TRPM3: variants seen among roughly 807,000 people sequenced by gnomAD.
The protein encoded by TRPM3 is long transient receptor potential channel 3.
TRPM3 carries 77 observed loss-of-function variants against 181.2 expected under a neutral mutation model. The ratio of observed to expected loss-of-function variants is 0.42; its 90% CI spans 0.35 to 0.51. The LOEUF is 0.51. TRPM3 is among the 20% of genes least tolerant of loss of function. TRPM3 has a pLI of 0.01. For synonymous variants in TRPM3, 745 were observed against 796.4 expected, an observed-to-expected ratio of 0.94 and a Z score of 1.09; for missense variants, 1,759 against 2,196.7, an observed-to-expected ratio of 0.80 and a Z score of 3.98.
intron 22 of TRPM3, among the ~76,000 whole-genome samples, chr9:70,586,079 C>T (rs116647603): frequency 0.024 from 3,629 of 152,248 alleles, 140 homozygotes; most frequent in African/African-American, 0.08. Context: ...TCATATCGAG[C>T]GGCTCAGCTC....
intron 3 of TRPM3, among the ~76,000 whole-genome samples, chr9:70,849,171 G>A (rs1045113515): frequency 6.6e-6 from 1 of 152,116 alleles, no homozygotes; most frequent in Non-Finnish European, 1.5e-5. Context: ...TTGAGATAGA[G>A]TCTTGCACTG....
chr9:71,015,434 C>T (rs1293447526), intron 1 of TRPM3, among the ~76,000 whole-genome samples: 1 of 152,148 alleles, frequency 6.6e-6, no homozygotes, highest in Non-Finnish European at 1.5e-5. Context: ...AATAATTTCC[C>T]ATGTTCCAGA....
chr9:70,694,637 C>T (rs1277586960), intron 8 of TRPM3, among the ~76,000 whole-genome samples: 5 of 152,148 alleles, frequency 3.3e-5, no homozygotes, highest in African/African-American at 7.2e-5. Flanking sequence ...CCCGCCACCA[C>T]GCCCGGCTAA....
intron 8 of TRPM3, among the ~76,000 whole-genome samples, chr9:70,694,973 C>T (rs1226473488): frequency 6.6e-6 from 1 of 152,232 alleles, no homozygotes; most frequent in Non-Finnish European, 1.5e-5. Context: ...TGACAACCCT[C>T]CCCCTATTCG....
chr9:70,849,076 T>G (rs935077690), intron 3 of TRPM3, among the ~76,000 whole-genome samples: 1 of 152,196 alleles, frequency 6.6e-6, no homozygotes, highest in African/African-American at 2.4e-5. Context: ...TATAGATATT[T>G]TCATACTGCC....
intron 6 of TRPM3, among the ~76,000 whole-genome samples, chr9:70,797,888 T>C (rs1487941262): frequency 6.6e-6 from 1 of 152,200 alleles, no homozygotes. Context: ...CGTGGGATTC[T>C]GCCCAATTTT....
chr9:71,362,813 C>T (rs1479180575), intron 1 of TRPM3, among the ~76,000 whole-genome samples: 2 of 152,060 alleles, frequency 1.3e-5, no homozygotes, highest in Admixed American at 6.5e-5. Flanking sequence ...ATTATGGCTC[C>T]AGCTAATGAT....
intron 1 of TRPM3, among the ~76,000 whole-genome samples, chr9:70,937,213 G>C (rs1328520844): frequency 1.4e-4 from 22 of 152,148 alleles, no homozygotes. Flanking sequence ...GGATAAGAGA[G>C]GCAGGTAGCA....
intron 1 of TRPM3, among the ~76,000 whole-genome samples, chr9:71,375,304 G>A (rs75256432): frequency 6.6e-6 from 1 of 152,080 alleles, no homozygotes; most frequent in African/African-American, 2.4e-5. Context: ...AATGATACTG[G>A]GAGAACTGGC....
chr9:70,654,010 T>C (rs1303703711), intron 9 of TRPM3, among the ~76,000 whole-genome samples: 1 of 152,126 alleles, frequency 6.6e-6, no homozygotes, highest in Non-Finnish European at 1.5e-5. Flanking sequence ...GTGTGTGTAA[T>C]GGCACTGAGA....
At chr9:70,687,328 G>C (rs573237926) in intron 8 of TRPM3, among the ~76,000 whole-genome samples, 1 of 152,246 alleles carries the variant, frequency 6.6e-6, no homozygotes, top group African/African-American at 2.4e-5. Flanking sequence ...AATTTTAATA[G>C]AAAAAGATTT....
At chr9:70,855,635 C>T (rs1338851778) in intron 3 of TRPM3, among the ~76,000 whole-genome samples, 2 of 152,144 alleles carry the variant, frequency 1.3e-5, no homozygotes. Flanking sequence ...GCCTTTCTTC[C>T]AAGCCTCTAG....
intron 1 of TRPM3, among the ~76,000 whole-genome samples, chr9:71,105,645 A>G (rs1229432864): frequency 6.6e-6 from 1 of 152,164 alleles, no homozygotes; most frequent in Non-Finnish European, 1.5e-5. Context: ...TAGAAGAGGC[A>G]TGGCTCTGGA....
intron 21 of TRPM3, among the ~76,000 whole-genome samples, chr9:70,597,919 T>A (rs375916919): frequency 6.7e-6 from 1 of 149,684 alleles, no homozygotes; most frequent in African/African-American, 2.5e-5. Context: ...TATTTAAAAA[T>A]ACAGGATCTT....
intron 8 of TRPM3, among the ~76,000 whole-genome samples, chr9:70,700,488 C>T (rs549794736): frequency 6.6e-6 from 1 of 152,224 alleles, no homozygotes; most frequent in East Asian, 1.9e-4. Context: ...TCTCTACTGC[C>T]CCCCTGCCCT....
intron 1 of TRPM3, among the ~76,000 whole-genome samples, chr9:71,164,627 T>TA (rs2076447042): frequency 6.6e-6 from 1 of 152,074 alleles, no homozygotes; most frequent in Non-Finnish European, 1.5e-5. Flanking sequence ...TTGTCAGTGA[T>TA]TTTAAGGAGA....
rs186730740 is a variant in TRPM3 at position 70,835,121 on chromosome 9, C to T, written c.802-7103G>A. 2.0e-4 allele frequency among the ~76,000 whole-genome samples: 30 copies of T among 152,228 alleles called. No individual in the cohort carries two copies. In the East Asian group the frequency reaches 4.5e-3, roughly 23 times the overall value. On this transcript the variant is annotated intron_variant, in intron 5 of 25. Transcript: ENST00000677713. Reference sequence around the variant, plus strand: ...CTCGTTATGTGGTGTGCCAGCTCCCCCTTTGCCTTCTGCCATAAGTGGAAG... The same window carrying T: ...CTCGTTATGTGGTGTGCCAGCTCCCTCTTTGCCTTCTGCCATAAGTGGAAG...
chr9:71,115,494 G>T (rs1367930715), intron 1 of TRPM3, among the ~76,000 whole-genome samples: 1 of 152,192 alleles, frequency 6.6e-6, no homozygotes, highest in Non-Finnish European at 1.5e-5. Flanking sequence ...TAATGGAAAG[G>T]GAGAAAAAAT....
intron 18 of TRPM3, among the ~76,000 whole-genome samples, chr9:70,613,463 A>G (rs1293946560): frequency 6.6e-6 from 1 of 152,208 alleles, no homozygotes; most frequent in Non-Finnish European, 1.5e-5. Flanking sequence ...ATACTGGTTT[A>G]ACACAGAAGC....
Sources: allele counts gnomAD v4.1 joint callset (sites outside exome capture counted in the v4.1 genomes callset), GRCh38; gene constraint gnomAD v4.1.1; transcripts MANE v1.5; gene names NCBI Gene and HGNC (gene_info 2026-07-23, HGNC 2026-07-21).